The following STEAP1B variants were observed in gnomAD, a reference collection of about 807,000 sequenced individuals.
STEAP1B encodes STEAP family member 1B, also known as STEAP family protein MGC87042.
A neutral mutation model predicts 27.9 loss-of-function variants in STEAP1B; 13 were observed. The observed-to-expected ratio is 0.47, with a 90% CI of 0.30 to 0.74. The LOEUF (loss-of-function observed/expected upper bound fraction) is 0.74, where lower values mean the gene tolerates loss of function less well. STEAP1B is among the 30% of genes least tolerant of loss of function. The probability of loss-of-function intolerance (pLI) is 0.06; values close to 1 mark genes in which losing one functional copy is unlikely to be tolerated. For missense variants in STEAP1B, 250 were observed against 298.7 expected, an observed-to-expected ratio of 0.84 and a Z score of 1.20; for synonymous variants, 86 against 107.1, an observed-to-expected ratio of 0.80 and a Z score of 1.22.
At chr7:22,475,286 G>A (rs537389835) in intron 4 of STEAP1B, among the ~76,000 whole-genome samples, 4 of 152,268 alleles carry the variant, frequency 2.6e-5, no homozygotes, top group Admixed American at 6.5e-5. Context: ...AGTCACATCC[G>A]CCTGGAGTCA....
At chr7:22,465,730 C>G (rs1241768832) in intron 4 of STEAP1B, among the ~76,000 whole-genome samples, 1 of 152,102 alleles carries the variant, frequency 6.6e-6, no homozygotes, top group Non-Finnish European at 1.5e-5. Flanking sequence ...TTATTAGGGG[C>G]TTGCATATGG....
intron 1 of STEAP1B, among the ~76,000 whole-genome samples, chr7:22,498,873 G>A (rs1174349423): frequency 1.3e-5 from 2 of 152,172 alleles, no homozygotes; most frequent in African/African-American, 4.8e-5. Context: ...TGTCTGCATG[G>A]TAAGGAGACC....
intron 1 of STEAP1B, among the ~76,000 whole-genome samples, chr7:22,497,862 GCGTCTTACATT>G (rs900743862): frequency 3.7e-4 from 56 of 152,294 alleles, no homozygotes; most frequent in African/African-American, 1.3e-3. Context: ...GTGGGAGCAG[GCGTCTTACATT>G]ATTGCAGTGG....
chr7:22,497,915 T>C (rs1196334756), intron 1 of STEAP1B, among the ~76,000 whole-genome samples: 1 of 152,188 alleles, frequency 6.6e-6, no homozygotes, highest in African/African-American at 2.4e-5. Flanking sequence ...GGGACTGGTT[T>C]CGTGGAAGAC....
At chr7:22,422,687 G>T (rs952921134) in intron 4 of STEAP1B, among the ~76,000 whole-genome samples, 3 of 152,098 alleles carry the variant, frequency 2.0e-5, no homozygotes, top group African/African-American at 4.8e-5. Flanking sequence ...TAGAGACAGG[G>T]TTTCACCATG....
chr7:22,496,928 A>G (rs1419317862), intron 1 of STEAP1B, among the ~76,000 whole-genome samples: 1 of 152,268 alleles, frequency 6.6e-6, no homozygotes, highest in Non-Finnish European at 1.5e-5. Flanking sequence ...TACTCTTAGA[A>G]TATTTTCCAG....
chr7:22,454,865 A>ATATATTTTTTTTTTTTTT (rs1311730510), intron 4 of STEAP1B, among the ~76,000 whole-genome samples: 1 of 126,150 alleles, frequency 7.9e-6, no homozygotes, highest in African/African-American at 3.2e-5. Context: ...ATATATATAT[A>ATATATTTTTTTTTTTTTT]TTTTTTTTTT....
chr7:22,488,379 C>T (rs978179352), intron 4 of STEAP1B, among the ~76,000 whole-genome samples: 1 of 152,328 alleles, frequency 6.6e-6, no homozygotes, highest in East Asian at 1.9e-4. Flanking sequence ...CAACATACCT[C>T]CCTCCCATCT....
At chr7:22,437,889 G>A (rs963211741) in intron 4 of STEAP1B, among the ~76,000 whole-genome samples, 5 of 151,964 alleles carry the variant, frequency 3.3e-5, no homozygotes, top group African/African-American at 1.2e-4. Context: ...TATATCTATT[G>A]GTCAAGTGTA....
intron 4 of STEAP1B, among the ~76,000 whole-genome samples, chr7:22,434,946 C>T (rs1785235708): frequency 6.6e-6 from 1 of 152,166 alleles, no homozygotes; most frequent in African/African-American, 2.4e-5. Flanking sequence ...GATTCTAAAT[C>T]TATGCTGTCC....
At chr7:22,450,364 T>C (rs137919318) in intron 4 of STEAP1B, among the ~76,000 whole-genome samples, 223 of 152,346 alleles carry the variant, frequency 1.5e-3, no homozygotes, top group African/African-American at 5.0e-3. Flanking sequence ...TGGTGAGAGA[T>C]AGGGGTCTAG....
At chr7:22,460,493 T>G (rs1583642079) in intron 4 of STEAP1B, among the ~76,000 whole-genome samples, 2 of 151,940 alleles carry the variant, frequency 1.3e-5, no homozygotes, top group African/African-American at 4.8e-5. Context: ...TCATCTGGAG[T>G]TGCTGGGTAA....
intron 4 of STEAP1B, among the ~76,000 whole-genome samples, chr7:22,483,085 C>A (rs1786113107): frequency 6.6e-6 from 1 of 151,976 alleles, no homozygotes; most frequent in African/African-American, 2.4e-5. Context: ...CTAGGACAGT[C>A]TTTGTTTCAC....
intron 4 of STEAP1B, among the ~76,000 whole-genome samples, chr7:22,450,518 T>C (rs1015962155): frequency 2.0e-5 from 3 of 152,172 alleles, no homozygotes; most frequent in African/African-American, 7.2e-5. Context: ...TTCTCTATTC[T>C]GTTTCACTGG....
In STEAP1B at chr7:22,465,884, T is replaced by C. The variant is rs79466350; in HGVS notation, c.762+26681A>G. 1.2e-4 allele frequency among the ~76,000 whole-genome samples: 19 copies of C among 152,302 alleles called. No individual in the cohort carries two copies. In the East Asian group the frequency reaches 3.7e-3, roughly 29 times the overall value. On this transcript the variant is annotated intron_variant, in intron 4 of 4. Coordinates refer to ENST00000678116, the MANE Select transcript of STEAP1B (RefSeq NM_001382447.1). Reference sequence around the variant, plus strand: ...CAGGAAAACCACAACACTCACCTCCTAATGGCCTCCACCTGGCAGTCTTCA... The same window carrying C: ...CAGGAAAACCACAACACTCACCTCCCAATGGCCTCCACCTGGCAGTCTTCA...
rs77007463 is a variant in STEAP1B, at chr7:22,431,513, A to T, written c.763-11677T>A. ...TGTTGATTGAAGATCAGCTAATCAG[A>T]ACCTAGGACTATGCTTATGGAGTGA... is the stretch of plus-strand genomic sequence containing the variant. On this transcript the variant is annotated intron_variant, in intron 4 of 4. Transcript: ENST00000678116. Among the ~76,000 whole-genome samples, 800 of 152,326 alleles carry T rather than the reference A, an allele frequency of 5.3e-3. 9 individuals are homozygous for T. The highest frequency in any genetic ancestry group is 0.018 in the African/African-American group (765 of 41,570).
In STEAP1B at chr7:22,493,362, A is replaced by T. The variant is rs1391347843; in HGVS notation, c.559T>A (p.Ser187Thr). 1.9e-6 allele frequency: 3 copies of T among 1,613,972 alleles called. No homozygotes were observed. The highest frequency in any genetic ancestry group is 2.5e-6 in the Non-Finnish European group (3 of 1,179,938). ...CAGTTTAGCAACTTGTATCTGTAGG[A>T]TCGCCTCATTGCGTAAGACAGAGTA... Reference protein sequence around the residue: ...IYTLSYAMRRSYRYKLLNWAY... With the variant: ...IYTLSYAMRRTYRYKLLNWAY... Residue 187 changes from serine (S) to threonine (T), a missense_variant, in exon 3 of 5, where the codon TCC becomes ACC. Ser to Thr is a moderately conservative substitution (Grantham distance 58, BLOSUM62 1). Transcript: ENST00000678116.
At chr7:22,476,171 A>G (rs1216176246) in intron 4 of STEAP1B, among the ~76,000 whole-genome samples, 3 of 152,168 alleles carry the variant, frequency 2.0e-5, no homozygotes, top group Non-Finnish European at 4.4e-5. Flanking sequence ...AGTCTCCCCA[A>G]ACCCCGTTGT....
intron 4 of STEAP1B, among the ~76,000 whole-genome samples, chr7:22,471,893 C>CAAAA (rs59453902): frequency 1.8e-4 from 11 of 60,166 alleles, no homozygotes; most frequent in Admixed American, 4.1e-4. Flanking sequence ...AACCTGTCTC[C>CAAAA]AAAAAAAAAA....
Sources: allele counts gnomAD v4.1 joint callset (sites outside exome capture counted in the v4.1 genomes callset), GRCh38; gene constraint gnomAD v4.1.1; transcripts MANE v1.5; gene names NCBI Gene and HGNC (gene_info 2026-07-23, HGNC 2026-07-21).